The following PAPPA2 variants were observed in gnomAD, a reference collection of about 807,000 sequenced individuals.
PAPPA2 encodes the protein pappalysin 2.
In PAPPA2, 86 loss-of-function variants were observed where a neutral mutation model predicts 176.4. The ratio of observed to expected loss-of-function variants is 0.49; its 90% CI spans 0.41 to 0.58. The LOEUF (loss-of-function observed/expected upper bound fraction) is 0.58. Among genes scored for constraint, PAPPA2 ranks in the 20% least tolerant of loss-of-function variants. PAPPA2 has a pLI of 0.00. For missense variants in PAPPA2, 2,073 were observed against 2,256.9 expected (o/e 0.92, Z 1.65); for synonymous variants, 809 against 852.2 (o/e 0.95, Z 0.88).
At chr1:176,828,684 T>C (rs1295841231) in intron 21 of PAPPA2, among the ~76,000 whole-genome samples, 1 of 151,574 alleles carries the variant, frequency 6.6e-6, no homozygotes, top group East Asian at 1.9e-4. Flanking sequence ...TGAAAGAGAA[T>C]AAAAGAGAGA....
At chr1:176,581,798 G>A (rs1190166163) in intron 2 of PAPPA2, among the ~76,000 whole-genome samples, 1 of 150,092 alleles carries the variant, frequency 6.7e-6, no homozygotes, top group East Asian at 2.0e-4. Context: ...ATTTTGGTAT[G>A]TTGATTTTGT....
intron 1 of PAPPA2, among the ~76,000 whole-genome samples, chr1:176,548,112 A>G (rs1650739777): frequency 6.6e-6 from 1 of 152,258 alleles, no homozygotes; most frequent in Non-Finnish European, 1.5e-5. Flanking sequence ...ATATTTTAAT[A>G]GATAATTGTT....
intron 4 of PAPPA2, among the ~76,000 whole-genome samples, chr1:176,672,170 A>G (rs1659047119): frequency 1.3e-5 from 2 of 152,106 alleles, no homozygotes; most frequent in African/African-American, 4.8e-5. Flanking sequence ...GAGGGATTAC[A>G]TCCGTTTTAT....
intron 1 of PAPPA2, among the ~76,000 whole-genome samples, chr1:176,483,369 G>A (rs1017382117): frequency 1.4e-5 from 2 of 147,710 alleles, no homozygotes; most frequent in Admixed American, 1.4e-4. Flanking sequence ...GGATATAGAA[G>A]TACTAAATGC....
chr1:176,830,778 T>G lies in PAPPA2; in HGVS notation c.5203-9395T>G, dbSNP rs1667053173. Among the ~76,000 whole-genome samples the G allele has an allele frequency of 2.0e-5, 3 of 152,218 alleles. No homozygotes were observed. The South Asian group carries it at 6.2e-4, about 32-fold the overall frequency. The stretch of plus-strand genomic sequence containing the variant: ...GTGAGGTCTGATGGTATGTCATTAT[T>G]AATTCTTGTAGGAGCCCACGGCACA... On this transcript the variant is annotated intron_variant, in intron 21 of 22. Coordinates refer to ENST00000367662, the MANE Select transcript of PAPPA2 (RefSeq NM_020318.3).
intron 14 of PAPPA2, among the ~76,000 whole-genome samples, chr1:176,764,172 T>C (rs1246831733): frequency 6.6e-6 from 1 of 152,078 alleles, no homozygotes; most frequent in Non-Finnish European, 1.5e-5. Context: ...CCCAAACACC[T>C]TCCACTAGGC....
intron 2 of PAPPA2, among the ~76,000 whole-genome samples, chr1:176,573,868 A>T (rs992123582): frequency 6.6e-6 from 1 of 152,086 alleles, no homozygotes; most frequent in Non-Finnish European, 1.5e-5. Flanking sequence ...CTGTGGGCAG[A>T]GCTGTGCTAG....
rs754216970 is a variant in PAPPA2 at position 176,594,592 on chromosome 1, G to A, written c.988G>A (p.Asp330Asn). 8.7e-6 allele frequency: 14 copies of A among 1,614,054 alleles called. No homozygotes were observed. In the East Asian group the frequency reaches 2.5e-4, roughly 28 times the overall value. Residue 330 changes from aspartate to asparagine, a missense_variant, in exon 3 of 23, where the codon GAC becomes AAC. Around this residue, in one of 4 missense-constraint regions of PAPPA2, gnomAD observed 1,196 missense variants for 1,330.4 expected, o/e 0.90. Coordinates refer to ENST00000367662, the MANE Select transcript of PAPPA2 (RefSeq NM_020318.3). ...GGCCCTGGGGATCCGCTCAGGGAAG[G>A]ACAAGGGAAAGCGGGATGCTCGCTT... ...GWALGIRSGK[D>N]KGKRDARFFF...
intron 3 of PAPPA2, among the ~76,000 whole-genome samples, chr1:176,625,981 C>T (rs913208407): frequency 3.9e-5 from 6 of 152,006 alleles, no homozygotes; most frequent in African/African-American, 1.4e-4. Context: ...TATGACTGTG[C>T]CACTGCTCTC....
At chr1:176,594,476 T>G (rs1427509584) in intron 2 of PAPPA2, 48 bp from the exon 3 acceptor site, 1 of 1,490,092 alleles carries the variant, frequency 6.7e-7, no homozygotes, top group Admixed American at 1.9e-5. Flanking sequence ...TCCATTCCCC[T>G]TTGTATCTGG....
chr1:176,696,447 C>T (rs1020620410), intron 7 of PAPPA2, among the ~76,000 whole-genome samples: 5 of 152,096 alleles, frequency 3.3e-5, no homozygotes, highest in Non-Finnish European at 7.4e-5. Flanking sequence ...ACTGGTTGTG[C>T]TTTGGATATG....
At chr1:176,736,408 ATATG>A (rs1472442690) in intron 12 of PAPPA2, among the ~76,000 whole-genome samples, 2 of 150,664 alleles carry the variant, frequency 1.3e-5, no homozygotes, top group African/African-American at 4.9e-5. Context: ...CTCTCTATAT[ATATG>A]TATGTATTCC....
intron 15 of PAPPA2, among the ~76,000 whole-genome samples, chr1:176,767,514 A>AT (rs1404581195): frequency 3.3e-5 from 5 of 152,036 alleles, no homozygotes; most frequent in Non-Finnish European, 7.4e-5. Context: ...CACCCAGCTA[A>AT]TTTTTGTATT....
At chr1:176,771,369 A>G (rs566677635) in intron 17 of PAPPA2, among the ~76,000 whole-genome samples, 189 bp downstream of exon 17, 4 of 152,316 alleles carry the variant, frequency 2.6e-5, no homozygotes, top group Admixed American at 1.3e-4. Flanking sequence ...CATACTTTTT[A>G]AAATAATTTC....
At chr1:176,682,695 A>G (rs938380595) in intron 4 of PAPPA2, among the ~76,000 whole-genome samples, 21 of 152,006 alleles carry the variant, frequency 1.4e-4, no homozygotes, top group African/African-American at 4.8e-4. Context: ...TATTATTATT[A>G]TTTTTTAATC....
chr1:176,827,384 G>T (rs1340827403), intron 21 of PAPPA2, among the ~76,000 whole-genome samples: 1 of 152,138 alleles, frequency 6.6e-6, no homozygotes, highest in Non-Finnish European at 1.5e-5. Flanking sequence ...ATTTGAAAGA[G>T]AAAACCACAG....
chr1:176,779,103 G>A (rs1418636638), intron 17 of PAPPA2, among the ~76,000 whole-genome samples: 1 of 152,122 alleles, frequency 6.6e-6, no homozygotes, highest in East Asian at 1.9e-4. Context: ...AAACTAGAGA[G>A]CATCATATTG....
chr1:176,767,247 T>C (rs1279513171), intron 15 of PAPPA2, among the ~76,000 whole-genome samples: 1 of 152,246 alleles, frequency 6.6e-6, no homozygotes, highest in Admixed American at 6.5e-5. Flanking sequence ...AGACAACATG[T>C]ATAATGCATT....
At position 176,625,472 on chromosome 1, in the gene PAPPA2, A is replaced by G. The variant is rs187267787; in HGVS notation, c.1991+29877A>G. ...CTTTCAATAAATGTTAAAGTGAAGA[A>G]GCAAATCAGTAAATACACAAATAGT... On this transcript the variant is annotated intron_variant, in intron 3 of 22. Transcript: ENST00000367662. Among the ~76,000 whole-genome samples the G allele has an allele frequency of 4.6e-5, 7 of 152,318 alleles. No individual in the cohort carries two copies. The East Asian group carries it at 1.2e-3, about 25-fold the overall frequency.
Sources: allele counts gnomAD v4.1 joint callset (sites outside exome capture counted in the v4.1 genomes callset), GRCh38; gene constraint gnomAD v4.1.1; regional missense constraint gnomAD v4.1.1; transcripts MANE v1.5; gene names NCBI Gene and HGNC (gene_info 2026-07-23, HGNC 2026-07-21).